TNR: variants seen among roughly 807,000 people sequenced by gnomAD.
TNR encodes tenascin-R.
A neutral mutation model predicts 150.4 loss-of-function variants in TNR; 45 were observed. The observed-to-expected ratio is 0.30, with a 90% CI of 0.24 to 0.38. The LOEUF (loss-of-function observed/expected upper bound fraction) is 0.38. Ranked by LOEUF, TNR falls within the 10% of genes least tolerant of loss-of-function variation. TNR has a pLI of 1.00. For synonymous variants in TNR, 687 were observed against 678.4 expected, an observed-to-expected ratio of 1.01 and a Z score of -0.20; for missense variants, 1,544 against 1,759.1, an observed-to-expected ratio of 0.88 and a Z score of 2.19.
In TNR at chr1:175,642,280, G is replaced by A. The variant is rs186269758; in HGVS notation, c.-165+100946C>T. On this transcript the variant is annotated intron_variant, in intron 1 of 22. Transcript: ENST00000367674. Reference sequence around the variant, plus strand: ...CACACACGTGCTATGTGTTTGTGGTGGGGGAGAAAAAGTGTTGCAAACTTA... The same window carrying A: ...CACACACGTGCTATGTGTTTGTGGTAGGGGAGAAAAAGTGTTGCAAACTTA... Among the ~76,000 whole-genome samples, 141 of 152,260 alleles carry A rather than the reference G, an allele frequency of 9.3e-4. 1 individual carries two copies. Among genetic ancestry groups the A allele is most frequent in the African/African-American group, 3.3e-3 (137 of 41,542 alleles).
At position 175,439,054 on chromosome 1, in the gene TNR, C is replaced by T. The variant is rs1466894447; in HGVS notation, c.-63-32277G>A. ...AAGTTCATATGGAACAAAAAATGAG[C>T]CCTCATTGCAAAGTCAATCCTAAGC... On this transcript the variant is annotated intron_variant, in intron 2 of 22. Coordinates refer to ENST00000367674, the MANE Select transcript of TNR (RefSeq NM_003285.3). Among the ~76,000 whole-genome samples, 9 of 152,114 alleles carry T rather than the reference C, an allele frequency of 5.9e-5. No individual in the cohort carries two copies. In the East Asian group the frequency reaches 1.5e-3, roughly 26 times the overall value.
At position 175,609,945 on chromosome 1, in the gene TNR, T is replaced by A. The variant is rs576532929; in HGVS notation, c.-164-81576A>T. Among the ~76,000 whole-genome samples, 5 of 152,258 alleles carry A rather than the reference T, an allele frequency of 3.3e-5. No homozygotes were observed. In the South Asian group the frequency reaches 1.0e-3, roughly 32 times the overall value. On this transcript the variant is annotated intron_variant, in intron 1 of 22. Transcript: ENST00000367674. ...AATAGTCTTGCTAATAATGGGAATG[T>A]GATATTGGAATTACAAACATGTTGG...
chr1:175,655,433 C>A (rs1665141683), intron 1 of TNR, among the ~76,000 whole-genome samples: 1 of 152,172 alleles, frequency 6.6e-6, no homozygotes, highest in African/African-American at 2.4e-5. Context: ...TAAGCTAAGG[C>A]TCAGAGAGGC....
rs1391037583 is a variant in TNR, at chr1:175,406,757, A to C, written c.-43T>G. ...TGGGTTCAGGACCAGCCTGCAGCACACAGCATGGAGTTGTGGGAATCTGCA... is the reference window on the plus strand; with the variant it reads ...TGGGTTCAGGACCAGCCTGCAGCACCCAGCATGGAGTTGTGGGAATCTGCA... On this transcript the variant is annotated 5_prime_UTR_variant, in exon 3 of 23. Coordinates refer to ENST00000367674, the MANE Select transcript of TNR (RefSeq NM_003285.3). The C allele has an allele frequency of 6.3e-7, 1 of 1,598,072 alleles. No homozygotes were observed. Among genetic ancestry groups the C allele is most frequent in the African/African-American group, 1.3e-5 (1 of 74,758 alleles).
chr1:175,501,761 C>T (rs188623451), intron 2 of TNR, among the ~76,000 whole-genome samples: 42 of 152,198 alleles, frequency 2.8e-4, no homozygotes, highest in African/African-American at 8.9e-4. Flanking sequence ...CACCTATTTA[C>T]GTCTAAATTC....
intron 1 of TNR, among the ~76,000 whole-genome samples, chr1:175,666,090 G>C (rs1558062607): frequency 6.6e-6 from 1 of 152,186 alleles, no homozygotes; most frequent in Non-Finnish European, 1.5e-5. Context: ...CCTCTCAGGG[G>C]TGTTAGATAC....
intron 2 of TNR, among the ~76,000 whole-genome samples, chr1:175,446,913 CATGT>C (rs775223656): frequency 5.9e-5 from 9 of 152,052 alleles, no homozygotes; most frequent in South Asian, 2.1e-4. Context: ...AATGGGCATG[CATGT>C]ATGTGTGTTG....
In TNR at chr1:175,396,649, C is replaced by T. The variant is rs745532509; in HGVS notation, c.1135G>A (p.Gly379Ser). Reference protein sequence around the residue: ...LQQRVPGDWSGVTITELEPGL... With the variant: ...LQQRVPGDWSSVTITELEPGL... ...GGCTCCAGCTCCGTGATGGTGACAC[C>T]ACTCCAATCTCCAGGCACCCGCTGC... Residue 379 changes from glycine to serine, a missense_variant, in exon 5 of 23, where the codon GGT (glycine) becomes AGT (serine). By Grantham distance (56) the Gly-to-Ser change is moderately conservative. Coordinates refer to ENST00000367674, the MANE Select transcript of TNR (RefSeq NM_003285.3). The T allele has an allele frequency of 6.2e-7, 1 of 1,614,224 alleles. No homozygotes were observed. The highest frequency in any genetic ancestry group is 2.2e-5 in the East Asian group (1 of 44,886).
chr1:175,736,349 A>G lies in TNR; in HGVS notation c.-165+6877T>C, dbSNP rs144342346. ...ATCCTGGCTAACATGGTGAAACCTCATCTCTACTAAAAATACAAAAAATTA... is the reference window on the plus strand; with the variant it reads ...ATCCTGGCTAACATGGTGAAACCTCGTCTCTACTAAAAATACAAAAAATTA... On this transcript the variant is annotated intron_variant, in intron 1 of 22. Transcript: ENST00000367674. Among the ~76,000 whole-genome samples, 1,046 of 152,230 alleles carry G rather than the reference A, an allele frequency of 6.9e-3. 15 individuals are homozygous for G. The highest frequency in any genetic ancestry group is 0.024 in the African/African-American group (992 of 41,544).
intron 1 of TNR, among the ~76,000 whole-genome samples, chr1:175,630,234 A>G (rs1352644582): frequency 6.6e-6 from 1 of 152,224 alleles, no homozygotes; most frequent in Non-Finnish European, 1.5e-5. Flanking sequence ...GCAAGGTCCC[A>G]TTCTGCTTTA....
intron 1 of TNR, among the ~76,000 whole-genome samples, chr1:175,574,576 C>T (rs1227500863): frequency 6.6e-6 from 1 of 151,706 alleles, no homozygotes; most frequent in East Asian, 1.9e-4. Flanking sequence ...ATCCAGTACA[C>T]ACTTGTACAT....
intron 1 of TNR, among the ~76,000 whole-genome samples, chr1:175,632,928 C>A (rs1022473955): frequency 6.6e-6 from 1 of 152,164 alleles, no homozygotes; most frequent in Non-Finnish European, 1.5e-5. Context: ...ATGTCTCTTC[C>A]CCTAAAGGAA....
chr1:175,432,082 T>C (rs1373780554), intron 2 of TNR, among the ~76,000 whole-genome samples: 2 of 151,764 alleles, frequency 1.3e-5, no homozygotes, highest in East Asian at 3.9e-4. Flanking sequence ...GGATATGGGG[T>C]TGCTGACTGG....
intron 1 of TNR, among the ~76,000 whole-genome samples, chr1:175,679,771 G>A (rs918302794): frequency 7.9e-5 from 12 of 152,198 alleles, no homozygotes; most frequent in African/African-American, 2.4e-4. Context: ...AGAAGGCAGC[G>A]TGGAAGAGGA....
At chr1:175,682,861 A>G (rs1448294670) in intron 1 of TNR, among the ~76,000 whole-genome samples, 2 of 152,070 alleles carry the variant, frequency 1.3e-5, no homozygotes, top group African/African-American at 4.8e-5. Context: ...GAATGGTGTG[A>G]TTTCCCTTTT....
intron 1 of TNR, among the ~76,000 whole-genome samples, chr1:175,616,413 G>A (rs1370461089): frequency 1.3e-5 from 2 of 152,212 alleles, no homozygotes; most frequent in Admixed American, 6.5e-5. Context: ...CCTCCTGGCA[G>A]CTGGCGGGTG....
chr1:175,631,965 A>G lies in TNR; in HGVS notation c.-164-103596T>C, dbSNP rs1664342941. Among the ~76,000 whole-genome samples the G allele has an allele frequency of 7.2e-5, 11 of 152,366 alleles. No homozygotes were observed. In the South Asian group the frequency reaches 2.3e-3, roughly 32 times the overall value. On this transcript the variant is annotated intron_variant, in intron 1 of 22. Transcript: ENST00000367674. ...TTAGAAAAACCAGGAGGCATCTATCATTGCTAACAATAGCAATGTTTGACT... is the reference window on the plus strand; with the variant it reads ...TTAGAAAAACCAGGAGGCATCTATCGTTGCTAACAATAGCAATGTTTGACT...
At chr1:175,518,664 T>C (rs545072366) in intron 2 of TNR, among the ~76,000 whole-genome samples, 5 of 152,206 alleles carry the variant, frequency 3.3e-5, no homozygotes, top group South Asian at 2.1e-4. Flanking sequence ...ATCATCTTTT[T>C]CCCCCCATTC....
intron 2 of TNR, among the ~76,000 whole-genome samples, chr1:175,427,873 CTTCCCTCCCTTCTTCG>C (rs1158022106): frequency 7.6e-6 from 1 of 131,304 alleles, no homozygotes; most frequent in African/African-American, 3.0e-5. Flanking sequence ...TTCCTTCCTT[CTTCCCTCCCTTCTTCG>C]CTTCCTTCCT....
Sources: gnomAD v4.1 joint callset for allele counts (sites outside exome capture counted in the v4.1 genomes callset) on GRCh38, gnomAD v4.1.1 for gene constraint, MANE v1.5 for transcripts, NCBI Gene and HGNC (gene_info 2026-07-23, HGNC 2026-07-21) for gene names.